Variants in ART3 observed in about 807,000 individuals in gnomAD.
ART3 encodes the protein ecto-ADP-ribosyltransferase 3.
Under a neutral mutation model 48.5 loss-of-function variants are expected in ART3, and 49 were observed. That is an observed-to-expected ratio of 1.01 (90% CI 0.80 to 1.28). The LOEUF is 1.28. Among genes scored for constraint, ART3 ranks in the 50% most tolerant of loss-of-function variants. The pLI, the probability that ART3 is intolerant of heterozygous loss-of-function variation, is 0.00. For synonymous variants in ART3, 145 were observed against 157.2 expected (o/e 0.92, Z 0.58); for missense variants, 438 against 454.3 (o/e 0.96, Z 0.33).
Position 76,103,976 on chromosome 4 carries a change from C to T in ART3, c.970+7C>T. 1.2e-6 allele frequency: 2 copies of T among 1,613,020 alleles called. No homozygotes were observed. Among genetic ancestry groups the T allele is most frequent in the African/African-American group, 1.3e-5 (1 of 74,972 alleles). On this transcript the variant is annotated splice_region_variant and intron_variant, in intron 9 of 11. Coordinates refer to ENST00000355810, the MANE Select transcript of ART3 (RefSeq NM_001130016.3). Reference sequence around the variant, plus strand: ...GAACCCACCCAAATACCTGGTAAGACAGCTTTCTATTTACTCCCTGAGCCC... The same window carrying T: ...GAACCCACCCAAATACCTGGTAAGATAGCTTTCTATTTACTCCCTGAGCCC...
intron 1 of ART3, among the ~76,000 whole-genome samples, chr4:76,060,228 A>G (rs1719078206): frequency 6.6e-6 from 1 of 152,208 alleles, no homozygotes; most frequent in African/African-American, 2.4e-5. Flanking sequence ...TTGGAACATA[A>G]TACTGTTGTA....
chr4:76,097,665 T>C lies in ART3; in HGVS notation c.803T>C (p.Ile268Thr). Residue 268 changes from isoleucine (I) to threonine (T), a missense_variant, in exon 4 of 12, where the codon ATT becomes ACT. Physicochemically the swap from Ile to Thr is moderately conservative, Grantham distance 89 (BLOSUM62 -1). Transcript: ENST00000355810. ...TCAGGACTAAAAACCGAAAACTGTATTGAGAACCTAGGTAAGATAGCTTTA... is the reference window on the plus strand; with the variant it reads ...TCAGGACTAAAAACCGAAAACTGTACTGAGAACCTAGGTAAGATAGCTTTA... The part of the protein sequence containing the change: ...FLGGLKTENC[I>T]ENLEYFQPIY... The C allele has an allele frequency of 6.2e-7, 1 of 1,608,576 alleles. No individual in the cohort carries two copies. Among genetic ancestry groups the C allele is most frequent in the Non-Finnish European group, 8.5e-7 (1 of 1,175,148 alleles).
intron 1 of ART3, among the ~76,000 whole-genome samples, chr4:76,054,955 T>C (rs1438785461): frequency 6.6e-6 from 1 of 152,262 alleles, no homozygotes; most frequent in Admixed American, 6.5e-5. Context: ...TTTCTTTCTT[T>C]TTTTAGAGAC....
intron 1 of ART3, among the ~76,000 whole-genome samples, chr4:76,052,823 G>T (rs1005384621): frequency 1.3e-5 from 2 of 150,846 alleles, no homozygotes; most frequent in Admixed American, 1.3e-4. Flanking sequence ...CAAGCAAACA[G>T]ATTCAAGCAA....
At chr4:76,047,268 T>G (rs929816662) in intron 1 of ART3, among the ~76,000 whole-genome samples, 2 of 152,042 alleles carry the variant, frequency 1.3e-5, no homozygotes, top group African/African-American at 4.8e-5. Flanking sequence ...CTGAGGGCCA[T>G]GACTAAGGCT....
chr4:76,076,461 G>T (rs1248577697), intron 2 of ART3, among the ~76,000 whole-genome samples: 1 of 152,064 alleles, frequency 6.6e-6, no homozygotes, highest in Non-Finnish European at 1.5e-5. Flanking sequence ...TTAAAATTAA[G>T]CAAAAAGAGG....
intron 1 of ART3, among the ~76,000 whole-genome samples, chr4:76,011,775 G>T (rs1731820609): frequency 6.6e-6 from 1 of 152,210 alleles, no homozygotes; most frequent in African/African-American, 2.4e-5. Context: ...GGGCCGCTGC[G>T]CCCAGCTCAG....
At chr4:76,087,980 A>G (rs1315732496) in intron 3 of ART3, among the ~76,000 whole-genome samples, 2 of 152,124 alleles carry the variant, frequency 1.3e-5, no homozygotes, top group Non-Finnish European at 2.9e-5. Flanking sequence ...TGTAGACCCA[A>G]CTACTGGGGA....
At chr4:76,023,271 G>T in intron 1 of ART3, 2 of 868,410 alleles carry the variant, frequency 2.3e-6, no homozygotes, top group Non-Finnish European at 1.9e-6. Context: ...TTATAAGCAT[G>T]CAGTGAAACT....
intron 1 of ART3, among the ~76,000 whole-genome samples, chr4:76,056,528 C>T (rs926833442): frequency 1.9e-4 from 29 of 152,020 alleles, no homozygotes; most frequent in Non-Finnish European, 3.4e-4. Context: ...AAGGGGGCAG[C>T]GGGCCTGGAA....
At chr4:76,034,121 A>G (rs1734121560) in intron 1 of ART3, 2 of 238,806 alleles carry the variant, frequency 8.4e-6, no homozygotes, top group African/African-American at 4.5e-5. Flanking sequence ...AGTACATTTT[A>G]TGAATTACAT....
intron 1 of ART3, among the ~76,000 whole-genome samples, chr4:76,058,267 A>G (rs1463300526): frequency 2.6e-5 from 4 of 152,320 alleles, no homozygotes; most frequent in East Asian, 3.9e-4. Context: ...TATTGTAACA[A>G]TGACTTTGTT....
Position 76,036,076 on chromosome 4 carries a change from A to T in ART3, c.-10+24756A>T, listed in dbSNP as rs956150522. On this transcript the variant is annotated intron_variant, in intron 1 of 9. Coordinates refer to the ART3 transcript ENST00000341029. ...AAGGAGTAGAAATGCTGAACATGAA[A>T]GGAAATTGATAATTGGCATATATAG... 3.2e-6 allele frequency: 4 copies of T among 1,237,946 alleles called. No individual in the cohort carries two copies. The African/African-American group carries it at 6.0e-5, about 18-fold the overall frequency. 76.7% of individuals were successfully genotyped at this position (1,237,946 alleles called of 1,614,324 possible). A position where few individuals can be genotyped will look rare whatever the true frequency, so the allele number is the denominator to read the frequency against.
intron 1 of ART3, among the ~76,000 whole-genome samples, chr4:76,025,217 AC>A (rs1733268659): frequency 6.6e-6 from 1 of 152,172 alleles, no homozygotes; most frequent in African/African-American, 2.4e-5. Flanking sequence ...ATCCTTCCAT[AC>A]CTATTTGTGC....
chr4:76,014,276 A>G (rs1012250420), intron 1 of ART3, among the ~76,000 whole-genome samples: 1 of 152,200 alleles, frequency 6.6e-6, no homozygotes, highest in African/African-American at 2.4e-5. Flanking sequence ...ATACTCAAAG[A>G]ACTAAAGGAA....
At chr4:76,064,093 A>G (rs1030276971) in intron 1 of ART3, among the ~76,000 whole-genome samples, 4 of 152,234 alleles carry the variant, frequency 2.6e-5, no homozygotes, top group South Asian at 4.1e-4. Context: ...CAGGGATTCA[A>G]TTGAAAGATT....
In ART3 at chr4:76,082,177, C is replaced by G. The variant is rs1578469343; in HGVS notation, c.423C>G (p.Tyr141Ter). The G allele has an allele frequency of 2.5e-6, 4 of 1,614,198 alleles. No individual in the cohort carries two copies. Among genetic ancestry groups the G allele is most frequent in the African/African-American group, 1.3e-5 (1 of 75,052 alleles). Residue 141 changes from tyrosine (Y) to a stop codon, truncating the protein, a stop_gained, in exon 3 of 12, where the codon TAC (tyrosine) becomes TAG (stop). Transcript: ENST00000355810. LOFTEE classifies it high-confidence loss of function. ...TCCAGTTCAAAGCTTTCCACTTTTA[C>G]CTCACAAGAGCCCTGCAGTTGCTGA... is the stretch of plus-strand genomic sequence containing the variant. ...YGFQFKAFHFYLTRALQLLRK... is the reference protein window; with the variant it reads ...YGFQFKAFHF
intron 1 of ART3, chr4:76,021,269 A>T (rs1342489698): frequency 6.6e-6 from 1 of 152,240 alleles, no homozygotes; most frequent in African/African-American, 2.4e-5. Flanking sequence ...CTGTATTTTT[A>T]AAATTTTCCT....
In ART3 at chr4:76,100,838, T is replaced by A; in HGVS notation, c.907+14T>A. 6.2e-7 allele frequency: 1 copy of A among 1,608,196 alleles called. No homozygotes were observed. Among genetic ancestry groups the A allele is most frequent in the South Asian group, 1.1e-5 (1 of 89,900 alleles). On this transcript the variant is annotated intron_variant, in intron 7 of 11. Coordinates refer to ENST00000355810, the MANE Select transcript of ART3 (RefSeq NM_001130016.3). ...TTGAAGACCATGGTAAGACATTTTT[T>A]ATAAATTCTGGGGGCTTACATTTTA...
Sources: gnomAD v4.1 joint callset for allele counts (sites outside exome capture counted in the v4.1 genomes callset) on GRCh38, gnomAD v4.1.1 for gene constraint, MANE v1.5 for transcripts, NCBI Gene and HGNC (gene_info 2026-07-23, HGNC 2026-07-21) for gene names.